Variants in CSMD1 observed in about 807,000 individuals in gnomAD.
The protein encoded by CSMD1 is CUB and sushi domain-containing protein 1.
In CSMD1, 213 loss-of-function variants were observed where a neutral mutation model predicts 417.5. The ratio of observed to expected loss-of-function variants is 0.51; its 90% confidence interval spans 0.46 to 0.57. CSMD1 has a LOEUF of 0.57. Ranked by LOEUF, CSMD1 falls within the 20% of genes least tolerant of loss-of-function variation. The pLI is 0.00. For synonymous variants in CSMD1, 2,862 were observed against 1,736.8 expected, an observed-to-expected ratio of 1.65 and a Z score of -16.11; for missense variants, 6,923 against 4,529.7, an observed-to-expected ratio of 1.53 and a Z score of -15.17.
At chr8:4,426,087 TG>T (rs1267528827) in intron 2 of CSMD1, among the ~76,000 whole-genome samples, 1 of 146,288 alleles carries the variant, frequency 6.8e-6, no homozygotes, top group Non-Finnish European at 1.5e-5. Flanking sequence ...GGAATTATTT[TG>T]AAAAAAAAAA....
chr8:3,893,705 G>C (rs1807151956), intron 5 of CSMD1, among the ~76,000 whole-genome samples: 1 of 151,854 alleles, frequency 6.6e-6, no homozygotes, highest in Admixed American at 6.6e-5. Flanking sequence ...AGCAACCGTG[G>C]TAACAATACA....
intron 1 of CSMD1, among the ~76,000 whole-genome samples, chr8:4,764,002 T>C (rs1284313224): frequency 1.3e-5 from 2 of 152,194 alleles, no homozygotes; most frequent in Non-Finnish European, 2.9e-5. Flanking sequence ...CGTCTAGTTT[T>C]TCATTTAGAT....
intron 23 of CSMD1, among the ~76,000 whole-genome samples, chr8:3,337,340 A>G (rs1164846959): frequency 6.6e-6 from 1 of 152,252 alleles, no homozygotes; most frequent in African/African-American, 2.4e-5. Context: ...TTCAGCAAAT[A>G]TTTATGAAGC....
chr8:4,876,095 A>C (rs1803024573), intron 1 of CSMD1, among the ~76,000 whole-genome samples: 1 of 152,112 alleles, frequency 6.6e-6, no homozygotes, highest in African/African-American at 2.4e-5. Context: ...ATAACAAAAA[A>C]GTACAGTAAG....
intron 1 of CSMD1, among the ~76,000 whole-genome samples, chr8:4,816,043 G>C (rs1799187340): frequency 6.6e-6 from 1 of 152,152 alleles, no homozygotes; most frequent in African/African-American, 2.4e-5. Flanking sequence ...AGGCTTACCA[G>C]GTGCACAGAT....
At chr8:3,062,251 C>G (rs554352033) in intron 49 of CSMD1, among the ~76,000 whole-genome samples, 2 of 152,104 alleles carry the variant, frequency 1.3e-5, no homozygotes, top group East Asian at 1.9e-4. Flanking sequence ...TAGCCATCAT[C>G]CAATATACCA....
intron 1 of CSMD1, among the ~76,000 whole-genome samples, chr8:4,706,728 C>T (rs1401607819): frequency 2.0e-5 from 3 of 152,028 alleles, no homozygotes; most frequent in Non-Finnish European, 4.4e-5. Context: ...AGAGATGTGG[C>T]CGGGGAGGCA....
At chr8:3,799,659 T>C (rs751191024) in intron 5 of CSMD1, among the ~76,000 whole-genome samples, 14 of 152,014 alleles carry the variant, frequency 9.2e-5, no homozygotes, top group Non-Finnish European at 1.9e-4. Flanking sequence ...ACAAGTTATG[T>C]ATTTGAGGCA....
chr8:4,797,117 T>G (rs950558529), intron 1 of CSMD1, among the ~76,000 whole-genome samples: 1 of 152,168 alleles, frequency 6.6e-6, no homozygotes, highest in African/African-American at 2.4e-5. Flanking sequence ...AATACAGATG[T>G]GATTGCAGAG....
chr8:3,924,384 G>C (rs950220380), intron 5 of CSMD1, among the ~76,000 whole-genome samples: 2 of 152,060 alleles, frequency 1.3e-5, no homozygotes, highest in Admixed American at 1.3e-4. Flanking sequence ...AATTCATTGG[G>C]CTTCATATAC....
At chr8:3,444,344 A>G (rs1189909293) in intron 12 of CSMD1, among the ~76,000 whole-genome samples, 1 of 152,218 alleles carries the variant, frequency 6.6e-6, no homozygotes, top group African/African-American at 2.4e-5. Context: ...AGGCAAAATT[A>G]GCACAATTTT....
chr8:4,428,189 C>T (rs897591739), intron 2 of CSMD1, among the ~76,000 whole-genome samples: 3 of 152,122 alleles, frequency 2.0e-5, no homozygotes, highest in Admixed American at 1.3e-4. Context: ...GAAAACAAAC[C>T]CATGTTCACT....
rs548320040 is a variant in CSMD1, at chr8:3,293,402, T to A, written c.3951-9056A>T. On this transcript the variant is annotated intron_variant, in intron 25 of 69. Coordinates refer to ENST00000635120, the MANE Select transcript of CSMD1 (RefSeq NM_033225.6). ...TGCTAGATTGGGGAATTTCTCCTGGTTAATATCCTGCAGAGTGTTTTCCAA... is the reference window on the plus strand; with the variant it reads ...TGCTAGATTGGGGAATTTCTCCTGGATAATATCCTGCAGAGTGTTTTCCAA... 2.8e-3 allele frequency among the ~76,000 whole-genome samples: 419 copies of A among 152,262 alleles called. 2 individuals are homozygous for A. Among genetic ancestry groups the A allele is most frequent in the African/African-American group, 9.7e-3 (403 of 41,558 alleles).
intron 3 of CSMD1, among the ~76,000 whole-genome samples, chr8:4,123,047 G>T (rs148885047): frequency 3.3e-5 from 5 of 152,196 alleles, no homozygotes; most frequent in Admixed American, 2.6e-4. Context: ...ATTTTTCTGT[G>T]TTTAATTATT....
intron 1 of CSMD1, among the ~76,000 whole-genome samples, chr8:4,779,141 G>A (rs1797023250): frequency 6.6e-6 from 1 of 152,058 alleles, no homozygotes; most frequent in Non-Finnish European, 1.5e-5. Flanking sequence ...CTCCTCCTTG[G>A]GAATTAACTG....
intron 6 of CSMD1, among the ~76,000 whole-genome samples, chr8:3,723,832 T>G (rs1563312156): frequency 1.3e-5 from 2 of 152,316 alleles, no homozygotes; most frequent in East Asian, 3.9e-4. Flanking sequence ...AAATCACGGA[T>G]GAGTAAAAAT....
intron 3 of CSMD1, among the ~76,000 whole-genome samples, chr8:4,316,653 T>A (rs964850753): frequency 1.3e-5 from 2 of 152,052 alleles, no homozygotes; most frequent in Admixed American, 1.3e-4. Flanking sequence ...GTACACTGTG[T>A]CAAGATGAAG....
At chr8:4,356,636 G>A (rs373130257) in intron 3 of CSMD1, among the ~76,000 whole-genome samples, 3 of 151,936 alleles carry the variant, frequency 2.0e-5, no homozygotes, top group Non-Finnish European at 2.9e-5. Flanking sequence ...GCTTTATTCT[G>A]GTCCTGCGAA....
intron 5 of CSMD1, among the ~76,000 whole-genome samples, chr8:3,974,324 T>TAA (rs1464009841): frequency 0.019 from 2,895 of 152,040 alleles, 95 homozygotes; most frequent in African/African-American, 0.066. Context: ...CTTTTGCCCC[T>TAA]TAAGCACTGT....
Sources: gnomAD v4.1 joint callset for allele counts (sites outside exome capture counted in the v4.1 genomes callset) on GRCh38, gnomAD v4.1.1 for gene constraint, MANE v1.5 for transcripts, NCBI Gene and HGNC (gene_info 2026-07-23, HGNC 2026-07-21) for gene names.